ZNF30: variants seen among roughly 807,000 people sequenced by gnomAD.
ZNF30 encodes zinc finger protein 30 (KOX 28).
A neutral mutation model predicts 13.2 loss-of-function variants in ZNF30; 15 were observed. The observed-to-expected ratio is 1.13, with a 90% CI of 0.76 to 1.75. The LOEUF is 1.75. ZNF30 is among the 40% of genes most tolerant of loss of function. ZNF30 has a pLI of 0.00. For missense variants in ZNF30, 726 were observed against 757.0 expected (o/e 0.96, Z 0.48); for synonymous variants, 223 against 256.6 (o/e 0.87, Z 1.25).
At chr19:34,933,560 T>G (rs980950186) in intron 3 of ZNF30, 68 bp from the exon 4 acceptor site, 102 of 1,242,234 alleles carry the variant, frequency 8.2e-5, no homozygotes, top group Middle Eastern at 1.9e-4. Context: ...ATGGCAAATT[T>G]AACCAAAGCT....
rs1196269895 is a variant in ZNF30 at position 34,927,211 on chromosome 19, A to T, written c.-70A>T. The stretch of plus-strand genomic sequence containing the variant: ...GTGTCGGCGCGGAACCCGGACTGAG[A>T]CATGCGTGAGCGTTGGGTGGACCGG... On this transcript the variant is annotated 5_prime_UTR_variant, in exon 1 of 5. Coordinates refer to ENST00000601142, the MANE Select transcript of ZNF30 (RefSeq NM_194325.3). 1 of 383,668 alleles carries T rather than the reference A, an allele frequency of 2.6e-6. No homozygotes were observed. Among genetic ancestry groups the T allele is most frequent in the African/African-American group, 2.1e-5 (1 of 48,204 alleles). 23.8% of individuals were successfully genotyped at this position (383,668 alleles called of 1,614,324 possible). A position where few individuals can be genotyped will look rare whatever the true frequency, so the allele number is the denominator to read the frequency against.
At chr19:34,937,696 G>C (rs2012815484) in intron 4 of ZNF30, among the ~76,000 whole-genome samples, 1 of 151,706 alleles carries the variant, frequency 6.6e-6, no homozygotes, top group Admixed American at 6.6e-5. Context: ...GCTCCAGCCT[G>C]GGTGACAGAG....
chr19:34,942,182 C>T (rs1237139538), intron 4 of ZNF30, among the ~76,000 whole-genome samples: 1 of 152,152 alleles, frequency 6.6e-6, no homozygotes, highest in African/African-American at 2.4e-5. Flanking sequence ...TTGGCTCACA[C>T]CTGTAATCCC....
chr19:34,935,762 G>T, intron 4 of ZNF30, among the ~76,000 whole-genome samples: 1 of 139,138 alleles, frequency 7.2e-6, no homozygotes. Context: ...TTTTTATGGG[G>T]GTATTTGTTT....
intron 1 of ZNF30, 121 bp from the exon 2 acceptor site, chr19:34,929,762 CA>C (rs1311118399): frequency 1.8e-6 from 1 of 543,698 alleles, no homozygotes; most frequent in African/African-American, 2.0e-5. Context: ...CACTGTTCTC[CA>C]AATTTTGTTT....
upstream of ZNF30, chr19:34,926,741 T>C: frequency 2.5e-6 from 1 of 394,078 alleles, no homozygotes; most frequent in Non-Finnish European, 4.5e-6. Context: ...GGTGTGTTAA[T>C]GCCCTGGGTT....
Position 34,929,142 on chromosome 19 carries a change from G to C in ZNF30, c.-64-742G>C, listed in dbSNP as rs564266112. On this transcript the variant is annotated intron_variant, in intron 1 of 4. Coordinates refer to ENST00000601142, the MANE Select transcript of ZNF30 (RefSeq NM_194325.3). ...CTAAAAATACAAAACTTAGCTGGGCGTGACTATGCGCCTGTAGTCCTAGCT... is the reference window on the plus strand; with the variant it reads ...CTAAAAATACAAAACTTAGCTGGGCCTGACTATGCGCCTGTAGTCCTAGCT... Among the ~76,000 whole-genome samples the C allele has an allele frequency of 4.7e-4, 72 of 152,268 alleles. 1 individual carries two copies. The South Asian group carries it at 0.014, about 29-fold the overall frequency.
chr19:34,942,587 T>C (rs780670380), intron 4 of ZNF30: 1 of 1,270,300 alleles, frequency 7.9e-7, no homozygotes, highest in South Asian at 1.3e-5. Flanking sequence ...ATTTTAAACA[T>C]GGATAGGATA....
At chr19:34,930,564 G>A (rs1169673078) in intron 2 of ZNF30, among the ~76,000 whole-genome samples, 1 of 152,134 alleles carries the variant, frequency 6.6e-6, no homozygotes, top group Non-Finnish European at 1.5e-5. Flanking sequence ...ACTAACTCAA[G>A]AACAGCCAAA....
chr19:34,923,983 G>A (rs2011986616), upstream of ZNF30: 1 of 152,306 alleles, frequency 6.6e-6, no homozygotes, highest in Non-Finnish European at 1.5e-5. Flanking sequence ...CACTGACAGT[G>A]GCCAGAGAAA....
At chr19:34,929,822 GTT>G (rs775115380) in intron 1 of ZNF30, 60 bp from the exon 2 acceptor site, 44 of 859,146 alleles carry the variant, frequency 5.1e-5, no homozygotes, top group Non-Finnish European at 2.8e-5. Flanking sequence ...GGACAGGAAG[GTT>G]TATTAATGTA....
At chr19:34,928,220 A>AAATATATATATATAT (rs1555778254) in intron 1 of ZNF30, among the ~76,000 whole-genome samples, 22 of 73,376 alleles carry the variant, frequency 3.0e-4, no homozygotes, top group Non-Finnish European at 3.6e-4. Flanking sequence ...AAAAAAAAAA[A>AAATATATATATATAT]ATATATATAT....
rs772087266 is a variant in ZNF30, at chr19:34,931,880, T to G, written c.47T>G (p.Phe16Cys). The change falls in exon 3 of 5, where the codon TTT becomes TGT. Residue 16 changes from phenylalanine (F) to cysteine (C), a missense_variant. Coordinates refer to ENST00000601142, the MANE Select transcript of ZNF30 (RefSeq NM_194325.3). Reference sequence around the variant, plus strand: ...TTGCAGTATCACGGATCAGTGACATTTGAGGATGTGGCCATAGCCTTCTCC... The same window carrying G: ...TTGCAGTATCACGGATCAGTGACATGTGAGGATGTGGCCATAGCCTTCTCC... ...VGLQYHGSVTFEDVAIAFSQQ... is the reference protein window; with the variant it reads ...VGLQYHGSVTCEDVAIAFSQQ... The G allele has an allele frequency of 4.3e-6, 7 of 1,613,156 alleles. No individual in the cohort carries two copies. The South Asian group carries it at 7.7e-5, about 18-fold the overall frequency.
At chr19:34,924,605 GA>G (rs2012002906), upstream of ZNF30, among the ~76,000 whole-genome samples, 1 of 152,216 alleles carries the variant, frequency 6.6e-6, no homozygotes, top group South Asian at 2.1e-4. Flanking sequence ...CTCCAGGACA[GA>G]AGTGATCAGT....
intron 4 of ZNF30, among the ~76,000 whole-genome samples, chr19:34,941,385 C>A (rs2013040816): frequency 6.6e-6 from 1 of 152,212 alleles, no homozygotes; most frequent in African/African-American, 2.4e-5. Context: ...CTGCCTCAGC[C>A]TCCCAAGTAG....
intron 4 of ZNF30, among the ~76,000 whole-genome samples, chr19:34,940,535 G>A (rs1168445035): frequency 6.6e-6 from 1 of 151,868 alleles, no homozygotes; most frequent in African/African-American, 2.4e-5. Flanking sequence ...GGGTATGGTG[G>A]TGCACATCTG....
intron 2 of ZNF30, 112 bp from the exon 3 acceptor site, chr19:34,931,731 C>A: frequency 9.2e-7 from 1 of 1,083,120 alleles, no homozygotes; most frequent in Non-Finnish European, 1.3e-6. Flanking sequence ...ATCCACTTGC[C>A]ACATCATAAG....
At chr19:34,930,749 A>C (rs2012405040) in intron 2 of ZNF30, among the ~76,000 whole-genome samples, 1 of 151,962 alleles carries the variant, frequency 6.6e-6, no homozygotes, top group Non-Finnish European at 1.5e-5. Context: ...TGTAGTCCTA[A>C]CTACTTGGGA....
In ZNF30 at chr19:34,944,542, T is replaced by G. The variant is rs760905284; in HGVS notation, c.1576T>G (p.Tyr526Asp). The change falls in exon 5 of 5, where the codon TAC (tyrosine) becomes GAC (aspartate). Residue 526 changes from tyrosine (Y) to aspartate (D), a missense_variant. Coordinates refer to ENST00000601142, the MANE Select transcript of ZNF30 (RefSeq NM_194325.3). Reference sequence around the variant, plus strand: ...TGGCAAGGCCTTCAGTTCTGGCTCATACCTTGTTCAGCATCAAAGAATTCA... The same window carrying G: ...TGGCAAGGCCTTCAGTTCTGGCTCAGACCTTGTTCAGCATCAAAGAATTCA... ...ECGKAFSSGS[Y>D]LVQHQRIHTG... The G allele has an allele frequency of 1.2e-6, 2 of 1,614,152 alleles. No homozygotes were observed. The highest frequency in any genetic ancestry group is 1.7e-6 in the Non-Finnish European group (2 of 1,180,012).
Sources: gnomAD v4.1 joint callset for allele counts (sites outside exome capture counted in the v4.1 genomes callset) on GRCh38, gnomAD v4.1.1 for gene constraint, MANE v1.5 for transcripts, NCBI Gene and HGNC (gene_info 2026-07-23, HGNC 2026-07-21) for gene names.